Variants in JDP2 observed in about 807,000 individuals in gnomAD.
JDP2 encodes progesterone receptor co-activator.
JDP2 carries 9 observed loss-of-function variants against 17.1 expected under a neutral mutation model. That is an observed-to-expected ratio of 0.53 (90% CI 0.32 to 0.92). The LOEUF is 0.92. JDP2 is among the 40% of genes least tolerant of loss of function. JDP2 has a pLI of 0.04. For missense variants in JDP2, 179 were observed against 220.0 expected, an observed-to-expected ratio of 0.81 and a Z score of 1.18; for synonymous variants, 107 against 95.6, an observed-to-expected ratio of 1.12 and a Z score of -0.69.
At chr14:75,459,760 C>A (rs1886272977) in intron 2 of JDP2, among the ~76,000 whole-genome samples, 1 of 152,194 alleles carries the variant, frequency 6.6e-6, no homozygotes, top group Non-Finnish European at 1.5e-5. Flanking sequence ...TCTGGTCTGT[C>A]CCCAGCCCAG....
In JDP2 at chr14:75,428,311, C is replaced by G. The variant is rs1884625493; in HGVS notation, c.-24+59C>G. The G allele has an allele frequency of 6.8e-6, 1 of 147,360 alleles. No individual in the cohort carries two copies. The highest frequency in any genetic ancestry group is 2.4e-5 in the African/African-American group (1 of 40,876). The allele number at this position is 147,360 out of a possible 1,614,324, so 9.1% of individuals were successfully genotyped here. A position where few individuals can be genotyped will look rare whatever the true frequency, so the allele number is the denominator to read the frequency against. On this transcript the variant is annotated intron_variant, in intron 1 of 3. Coordinates refer to ENST00000651602, the MANE Select transcript of JDP2 (RefSeq NM_001135048.2). This position sits in a 1 kb window ranked among gnomAD's most constrained non-coding sequence, Gnocchi z 5.6. Reference sequence around the variant, plus strand: ...ACGGGCGGGGCGGGGCAGGGCGCGGCGCGGGCACCTGGGACGGCCGCCCCC... The same window carrying G: ...ACGGGCGGGGCGGGGCAGGGCGCGGGGCGGGCACCTGGGACGGCCGCCCCC...
At chr14:75,435,677 A>T (rs1885030722) in intron 1 of JDP2, among the ~76,000 whole-genome samples, 1 of 152,158 alleles carries the variant, frequency 6.6e-6, no homozygotes, top group African/African-American at 2.4e-5. Context: ...TGTCAAAATG[A>T]GGATGTGGTT....
At chr14:75,453,496 G>A (rs1351592456) in intron 2 of JDP2, among the ~76,000 whole-genome samples, 1 of 152,352 alleles carries the variant, frequency 6.6e-6, no homozygotes, top group East Asian at 1.9e-4. Context: ...CCAGTGTGCC[G>A]CTGCTGCAAT....
intron 3 of JDP2, 134 bp downstream of exon 3, chr14:75,461,664 C>T (rs1886354211): frequency 1.5e-6 from 1 of 689,652 alleles, no homozygotes; most frequent in South Asian, 1.7e-5. Flanking sequence ...GCCTTGGCCC[C>T]TCTGCTCTTT....
At chr14:75,467,658 G>A (rs912417403) in intron 3 of JDP2, among the ~76,000 whole-genome samples, 5 of 152,154 alleles carry the variant, frequency 3.3e-5, no homozygotes, top group Non-Finnish European at 7.3e-5. Flanking sequence ...AGAGTCACCA[G>A]TGAGCAGGGG....
At chr14:75,459,583 G>A (rs1252187127) in intron 2 of JDP2, among the ~76,000 whole-genome samples, 5 of 152,256 alleles carry the variant, frequency 3.3e-5, no homozygotes, top group Non-Finnish European at 7.3e-5. Flanking sequence ...TGCTGGGAGT[G>A]TGCAGAGAGA....
chr14:75,467,545 C>T (rs1886615972), intron 3 of JDP2, among the ~76,000 whole-genome samples: 1 of 152,186 alleles, frequency 6.6e-6, no homozygotes, highest in Non-Finnish European at 1.5e-5. Context: ...CCCTGACACC[C>T]CTTGAGGCAG....
chr14:75,447,231 C>A (rs1885643182), intron 2 of JDP2, among the ~76,000 whole-genome samples: 1 of 152,182 alleles, frequency 6.6e-6, no homozygotes, highest in Non-Finnish European at 1.5e-5. Context: ...AAGAAACCAG[C>A]CCAGTTCTTT....
At chr14:75,454,576 A>G (rs75089726) in intron 2 of JDP2, among the ~76,000 whole-genome samples, 9,209 of 152,270 alleles carry the variant, frequency 0.06, 561 homozygotes, top group African/African-American at 0.16. Flanking sequence ...TTAACTATGA[A>G]TAGATTAAGG....
Position 75,428,259 on chromosome 14 carries a change from G to A in JDP2, c.-24+7G>A, listed in dbSNP as rs1448402877. 6.8e-6 allele frequency: 1 copy of A among 146,452 alleles called. No homozygotes were observed. Among genetic ancestry groups the A allele is most frequent in the Non-Finnish European group, 1.5e-5 (1 of 65,808 alleles). 9.1% of individuals were successfully genotyped at this position (146,452 alleles called of 1,614,324 possible). A position where few individuals can be genotyped will look rare whatever the true frequency, so the allele number is the denominator to read the frequency against. ...CCCCCGCACCTTCTGCACGGTGGGT[G>A]CGAGGGCGCGCGCTGGGGGCGCCGG... On this transcript the variant is annotated splice_region_variant and intron_variant, in intron 1 of 3. Transcript: ENST00000651602. This position sits in a 1 kb window ranked among gnomAD's most constrained non-coding sequence, Gnocchi z 5.6.
intron 2 of JDP2, among the ~76,000 whole-genome samples, chr14:75,453,914 T>C (rs1224411624): frequency 6.6e-6 from 1 of 152,238 alleles, no homozygotes; most frequent in East Asian, 1.9e-4. Context: ...CCATTTTTGC[T>C]TATCACTTCC....
chr14:75,472,654 A>G lies in JDP2; in HGVS notation c.*3179A>G, dbSNP rs986047981. ...TGGAGTTATCAAGATCAAAAAAGGA[A>G]TGGATATACAAAGTGTTTTGTGAAA... On this transcript the variant is annotated 3_prime_UTR_variant, in exon 4 of 4. Coordinates refer to ENST00000651602, the MANE Select transcript of JDP2 (RefSeq NM_001135048.2). 2 of 152,280 alleles carry G rather than the reference A, an allele frequency of 1.3e-5. No individual in the cohort carries two copies. Among genetic ancestry groups the G allele is most frequent in the African/African-American group, 4.8e-5 (2 of 41,474 alleles). The allele number at this position is 152,280 out of a possible 1,614,324, so 9.4% of individuals were successfully genotyped here.
At chr14:75,433,891 C>G (rs1407850984) in intron 1 of JDP2, among the ~76,000 whole-genome samples, 1 of 152,146 alleles carries the variant, frequency 6.6e-6, no homozygotes, top group Non-Finnish European at 1.5e-5. Context: ...CTTATTTATG[C>G]CCCCTAGTTA....
intron 2 of JDP2, among the ~76,000 whole-genome samples, 180 bp downstream of exon 2, chr14:75,438,301 A>C (rs1885173035): frequency 6.6e-6 from 1 of 152,116 alleles, no homozygotes; most frequent in South Asian, 2.1e-4. Context: ...TCTGCATCTT[A>C]ACAAGATCCC....
intron 2 of JDP2, among the ~76,000 whole-genome samples, chr14:75,441,729 G>C (rs1224542565): frequency 6.6e-6 from 1 of 152,170 alleles, no homozygotes; most frequent in African/African-American, 2.4e-5. Context: ...TTCTTTTCTA[G>C]TATTCGCTTT....
chr14:75,441,015 G>A (rs967570006), intron 2 of JDP2, among the ~76,000 whole-genome samples: 4 of 152,208 alleles, frequency 2.6e-5, no homozygotes, highest in African/African-American at 9.6e-5. Context: ...TGTTGAGCTG[G>A]GGAGGCTGGA....
At chr14:75,440,138 C>T (rs1885269980) in intron 2 of JDP2, among the ~76,000 whole-genome samples, 2 of 152,204 alleles carry the variant, frequency 1.3e-5, no homozygotes, top group Admixed American at 6.5e-5. Flanking sequence ...ACGTGCTGTC[C>T]TCACAGGCAC....
At chr14:75,431,565 T>G (rs752419371) in intron 1 of JDP2, among the ~76,000 whole-genome samples, 2 of 152,264 alleles carry the variant, frequency 1.3e-5, no homozygotes, top group Non-Finnish European at 2.9e-5. Flanking sequence ...AGCTGTGTTC[T>G]GGCCTGCAGG....
chr14:75,436,179 T>C (rs1412899935), intron 1 of JDP2, among the ~76,000 whole-genome samples: 1 of 152,220 alleles, frequency 6.6e-6, no homozygotes, highest in Admixed American at 6.5e-5. Context: ...CTTGCACTCT[T>C]GGCCAAAACA....
Sources: allele counts gnomAD v4.1 joint callset (sites outside exome capture counted in the v4.1 genomes callset), GRCh38; gene constraint gnomAD v4.1.1; non-coding constraint Gnocchi (gnomAD v3.1); transcripts MANE v1.5; gene names NCBI Gene and HGNC (gene_info 2026-07-23, HGNC 2026-07-21).